GRXCR2: variants seen among roughly 807,000 people sequenced by gnomAD.
The protein encoded by GRXCR2 is glutaredoxin domain-containing cysteine-rich protein 2.
A neutral mutation model predicts 24.8 loss-of-function variants in GRXCR2; 23 were observed. The ratio of observed to expected loss-of-function variants is 0.93; its 90% confidence interval spans 0.67 to 1.32. The LOEUF is 1.32. Ranked by LOEUF, GRXCR2 falls within the 40% of genes most tolerant of loss-of-function variation. GRXCR2 has a pLI of 0.00. For synonymous variants in GRXCR2, 130 were observed against 116.1 expected, an observed-to-expected ratio of 1.12 and a Z score of -0.77; for missense variants, 315 against 303.4, an observed-to-expected ratio of 1.04 and a Z score of -0.28.
chr5:145,860,014 G>C, intron 2 of GRXCR2, 99 bp from the exon 3 acceptor site: 3 of 957,460 alleles, frequency 3.1e-6, no homozygotes, highest in Non-Finnish European at 4.5e-6. Flanking sequence ...GGCTGGGGCA[G>C]AATAGAGGAA....
chr5:145,902,575 A>G (rs1242015710), intron 2 of GRXCR2, among the ~76,000 whole-genome samples: 1 of 152,202 alleles, frequency 6.6e-6, no homozygotes, highest in African/African-American at 2.4e-5. Flanking sequence ...AGCTGATCTA[A>G]TCAAACCAAC....
chr5:145,931,102 G>A (rs1358250265), intron 2 of GRXCR2, among the ~76,000 whole-genome samples: 1 of 152,168 alleles, frequency 6.6e-6, no homozygotes, highest in African/African-American at 2.4e-5. Context: ...TGCGATCTCA[G>A]TTCACTGCAG....
At chr5:145,884,825 C>T (rs1211316261) in intron 2 of GRXCR2, among the ~76,000 whole-genome samples, 1 of 152,098 alleles carries the variant, frequency 6.6e-6, no homozygotes, top group Non-Finnish European at 1.5e-5. Flanking sequence ...CACTTAGACC[C>T]TAGTGTATCC....
At chr5:145,920,234 T>C (rs924941272) in intron 2 of GRXCR2, among the ~76,000 whole-genome samples, 2 of 152,214 alleles carry the variant, frequency 1.3e-5, no homozygotes, top group African/African-American at 4.8e-5. Context: ...TGGTGTTTAC[T>C]GTTGCCAGGC....
intron 2 of GRXCR2, among the ~76,000 whole-genome samples, chr5:145,909,246 C>A (rs778966692): frequency 4.6e-5 from 7 of 152,202 alleles, no homozygotes; most frequent in Non-Finnish European, 7.3e-5. Context: ...CATATTATAG[C>A]TGTTGAGTTA....
intron 2 of GRXCR2, among the ~76,000 whole-genome samples, chr5:145,911,821 G>T (rs1193655806): frequency 6.6e-6 from 1 of 152,170 alleles, no homozygotes; most frequent in African/African-American, 2.4e-5. Flanking sequence ...AGGCGCTGTG[G>T]CTCACACCTG....
chr5:145,923,866 G>A (rs1175858100), intron 2 of GRXCR2, among the ~76,000 whole-genome samples: 1 of 151,916 alleles, frequency 6.6e-6, no homozygotes, highest in Non-Finnish European at 1.5e-5. Flanking sequence ...ATTTAAGTTA[G>A]TGCTATTTAT....
intron 2 of GRXCR2, among the ~76,000 whole-genome samples, chr5:145,920,996 C>T (rs1757313390): frequency 6.6e-6 from 1 of 152,248 alleles, no homozygotes; most frequent in Non-Finnish European, 1.5e-5. Context: ...TTCCCAGCCT[C>T]CAGAACTATG....
chr5:145,888,120 C>T (rs1268482215), intron 2 of GRXCR2, among the ~76,000 whole-genome samples: 2 of 152,096 alleles, frequency 1.3e-5, no homozygotes, highest in Non-Finnish European at 2.9e-5. Flanking sequence ...GGATTAAGAG[C>T]CACTGCTCTA....
chr5:145,875,976 C>G (rs1756606917), upstream of GRXCR2, among the ~76,000 whole-genome samples: 1 of 151,842 alleles, frequency 6.6e-6, no homozygotes, highest in African/African-American at 2.4e-5. Flanking sequence ...CCAGCCTGGG[C>G]AACAAAATGA....
chr5:145,871,422 T>G (rs1756529594), intron 1 of GRXCR2, among the ~76,000 whole-genome samples: 1 of 152,182 alleles, frequency 6.6e-6, no homozygotes. Context: ...TAGTATCAGA[T>G]GGATCCCTTA....
At chr5:145,899,999 A>C (rs1012712691) in intron 2 of GRXCR2, among the ~76,000 whole-genome samples, 1 of 152,186 alleles carries the variant, frequency 6.6e-6, no homozygotes, top group Admixed American at 6.6e-5. Flanking sequence ...AATATTCACA[A>C]ACTCTGCATC....
chr5:145,927,743 T>C (rs1056466946), intron 2 of GRXCR2, among the ~76,000 whole-genome samples: 11 of 152,128 alleles, frequency 7.2e-5, no homozygotes, highest in Admixed American at 2.0e-4. Context: ...GCTGGCCTCA[T>C]AAAATGAGTT....
rs150805607 is a variant in GRXCR2, at chr5:145,869,394, A to G, written c.337-2666T>C. Among the ~76,000 whole-genome samples the G allele has an allele frequency of 6.3e-3, 956 of 152,258 alleles. 15 individuals carry two copies. The highest frequency in any genetic ancestry group is 0.039 in the East Asian group (205 of 5,190). On this transcript the variant is annotated intron_variant, in intron 1 of 2. Coordinates refer to ENST00000377976, the MANE Select transcript of GRXCR2 (RefSeq NM_001080516.2). ...TAAACTTCAGTTTTAATTGCTTAAA[A>G]TATTTTTATTATTTATAACCTTTTT...
chr5:145,923,033 C>T (rs535949749), intron 2 of GRXCR2, among the ~76,000 whole-genome samples: 2 of 152,312 alleles, frequency 1.3e-5, no homozygotes, highest in South Asian at 2.1e-4. Context: ...CAGTGCCACC[C>T]GGAAACTAGT....
chr5:145,859,798 G>A lies in GRXCR2; in HGVS notation c.682C>T (p.Arg228Trp), dbSNP rs759494548. Reference protein sequence around the residue: ...MLANRFKESYRALRCPACNEN... With the variant: ...MLANRFKESYWALRCPACNEN... ...TTGCAGGCAGGGCACCTCAGGGCCCGATAGGACTCCTTAAATCTGTTGGCC... is the reference window on the plus strand; with the variant it reads ...TTGCAGGCAGGGCACCTCAGGGCCCAATAGGACTCCTTAAATCTGTTGGCC... The change falls in exon 3 of 3, where the codon CGG becomes TGG. Residue 228 changes from arginine (R) to tryptophan (W), a missense_variant. By Grantham distance (101) the Arg-to-Trp change is moderately radical. Coordinates refer to ENST00000377976, the MANE Select transcript of GRXCR2 (RefSeq NM_001080516.2). 19 of 1,614,062 alleles carry A rather than the reference G, an allele frequency of 1.2e-5. No individual in the cohort carries two copies. The highest frequency in any genetic ancestry group is 2.7e-5 in the African/African-American group (2 of 74,928).
At chr5:145,910,076 C>T (rs1757144327) in intron 2 of GRXCR2, among the ~76,000 whole-genome samples, 2 of 152,156 alleles carry the variant, frequency 1.3e-5, no homozygotes, top group African/African-American at 4.8e-5. Flanking sequence ...TATTGTACAT[C>T]GAAGTTCATT....
upstream of GRXCR2, among the ~76,000 whole-genome samples, chr5:145,876,218 C>CATATATATATATATAT (rs1393201085): frequency 1.7e-5 from 2 of 116,220 alleles, no homozygotes; most frequent in Non-Finnish European, 3.4e-5. Flanking sequence ...TATATATATA[C>CATATATATATATATAT]ACACACACAC....
At chr5:145,864,218 AG>A (rs1756389532) in intron 2 of GRXCR2, among the ~76,000 whole-genome samples, 1 of 152,114 alleles carries the variant, frequency 6.6e-6, no homozygotes, top group Admixed American at 6.5e-5. Flanking sequence ...CATTCCAGGC[AG>A]AGGGGATTGG....
Sources: allele counts gnomAD v4.1 joint callset (sites outside exome capture counted in the v4.1 genomes callset), GRCh38; gene constraint gnomAD v4.1.1; transcripts MANE v1.5; gene names NCBI Gene and HGNC (gene_info 2026-07-23, HGNC 2026-07-21).